Variants in RASA2 observed in about 807,000 individuals in gnomAD.
The protein encoded by RASA2 is RAS p21 protein activator 2.
In RASA2, 155 loss-of-function variants were observed where a neutral mutation model predicts 118.2. The observed-to-expected ratio is 1.31, with a 90% CI of 1.15 to 1.50. The LOEUF is 1.50. Among genes scored for constraint, RASA2 ranks in the 40% most tolerant of loss-of-function variants. RASA2 has a pLI of 0.00. For synonymous variants in RASA2, 353 were observed against 349.1 expected, an observed-to-expected ratio of 1.01 and a Z score of -0.12; for missense variants, 1,016 against 1,009.6, an observed-to-expected ratio of 1.01 and a Z score of -0.09.
Position 141,487,079 on chromosome 3 carries a change from G to C in RASA2, c.-5G>C, listed in dbSNP as rs764459706. On this transcript the variant is annotated 5_prime_UTR_variant, in exon 1 of 24. Transcript: ENST00000286364. ...GCAGGGCTGCGGCACGGGCCGGGCG[G>C]CACCATGGCGGCGGCGGCGCCTGCT... 3 of 1,341,272 alleles carry C rather than the reference G, an allele frequency of 2.2e-6. No individual in the cohort carries two copies. In the East Asian group the frequency reaches 1.0e-4, roughly 47 times the overall value. 83.1% of individuals were successfully genotyped at this position (1,341,272 alleles called of 1,614,324 possible).
chr3:141,574,894 TAG>T (rs1277147551), intron 14 of RASA2, among the ~76,000 whole-genome samples: 67 of 152,332 alleles, frequency 4.4e-4, no homozygotes, highest in African/African-American at 1.5e-3. Flanking sequence ...GTAACATACA[TAG>T]AGTTTTAAGG....
intron 4 of RASA2, among the ~76,000 whole-genome samples, chr3:141,534,374 G>T (rs78341452): frequency 0.13 from 19,661 of 151,972 alleles, 1,816 homozygotes; most frequent in East Asian, 0.24. Flanking sequence ...ATCTTTATAG[G>T]GGGGGGAAAA....
intron 14 of RASA2, 34 bp from the exon 15 acceptor site, chr3:141,576,966 T>C (rs200984539): frequency 1.5e-6 from 2 of 1,348,964 alleles, no homozygotes; most frequent in Admixed American, 2.1e-5. Context: ...TTAATTGTTT[T>C]TGTGCATGAC....
chr3:141,554,197 G>T lies in RASA2; in HGVS notation c.611+257G>T, dbSNP rs79479810. On this transcript the variant is annotated intron_variant, in intron 6 of 23. Coordinates refer to ENST00000286364, the MANE Select transcript of RASA2 (RefSeq NM_006506.5). ...AAGGAACAACTTCAGTTTTATACTA[G>T]TACAATGTAGTACTTTAAAACATAA... Among the ~76,000 whole-genome samples the T allele has an allele frequency of 0.031, 4,685 of 152,216 alleles. 239 individuals are homozygous for T. The highest frequency in any genetic ancestry group is 0.1 in the African/African-American group (4,212 of 41,530).
intron 19 of RASA2, among the ~76,000 whole-genome samples, chr3:141,593,951 G>A (rs1297003694): frequency 6.6e-6 from 1 of 152,116 alleles, no homozygotes; most frequent in Non-Finnish European, 1.5e-5. Flanking sequence ...GCATAATCTG[G>A]AGAAAAGGCG....
Position 141,487,236 on chromosome 3 carries a change from AG to A in RASA2, c.133+24del. 7.5e-7 allele frequency: 1 copy of A among 1,328,286 alleles called. No individual in the cohort carries two copies. Among genetic ancestry groups the A allele is most frequent in the Non-Finnish European group, 9.7e-7 (1 of 1,032,644 alleles). 82.3% of individuals were successfully genotyped at this position (1,328,286 alleles called of 1,614,324 possible). ...AGATCTGTAAGCGGGGGCTGGGCTG[AG>A]GGGACGCCCTGGCGGCGCTGGGCGC... On this transcript the variant is annotated intron_variant, in intron 1 of 23. Coordinates refer to ENST00000286364, the MANE Select transcript of RASA2 (RefSeq NM_006506.5).
chr3:141,586,872 C>A, intron 19 of RASA2, 120 bp downstream of exon 19: 1 of 796,476 alleles, frequency 1.3e-6, no homozygotes, highest in Non-Finnish European at 2.2e-6. Flanking sequence ...TGGTTTCTCA[C>A]ACTGATACAT....
At position 141,612,921 on chromosome 3, in the gene RASA2, AAACTC is replaced by A. The variant is rs1303781778; in HGVS notation, c.*611_*615del. 2 of 152,332 alleles carry A rather than the reference AAACTC, an allele frequency of 1.3e-5. No homozygotes were observed. Among genetic ancestry groups the A allele is most frequent in the African/African-American group, 4.8e-5 (2 of 41,480 alleles). The allele number at this position is 152,332 out of a possible 1,614,324, so 9.4% of individuals were successfully genotyped here. A position where few individuals can be genotyped will look rare whatever the true frequency, so the allele number is the denominator to read the frequency against. On this transcript the variant is annotated 3_prime_UTR_variant, in exon 24 of 24. Transcript: ENST00000286364. ...ATCCTTTTGCCTAAAGATGTAAACA[AAACTC>A]AAGACAGAAGGAATCAGGGAATATG...
Position 141,487,056 on chromosome 3 carries a change from A to C in RASA2, c.-28A>C. The C allele has an allele frequency of 1.6e-6, 2 of 1,224,770 alleles. No individual in the cohort carries two copies. Among genetic ancestry groups the C allele is most frequent in the Non-Finnish European group, 2.0e-6 (2 of 977,846 alleles). 75.9% of individuals were successfully genotyped at this position (1,224,770 alleles called of 1,614,324 possible). On this transcript the variant is annotated 5_prime_UTR_variant, in exon 1 of 24. Transcript: ENST00000286364. ...CGCCTCGCCCGGCTACGCAGGCGGC[A>C]GGGCTGCGGCACGGGCCGGGCGGCA...
chr3:141,526,433 C>T (rs1271890057), intron 3 of RASA2, among the ~76,000 whole-genome samples: 2 of 152,000 alleles, frequency 1.3e-5, no homozygotes, highest in East Asian at 1.9e-4. Flanking sequence ...ATCCTTCCAC[C>T]TTTTTTCCTC....
intron 1 of RASA2, among the ~76,000 whole-genome samples, chr3:141,506,309 G>C (rs2081865854): frequency 6.6e-6 from 1 of 152,188 alleles, no homozygotes; most frequent in Non-Finnish European, 1.5e-5. Flanking sequence ...AATCTATACT[G>C]TTTGCTGTGG....
chr3:141,568,329 CAG>C (rs2082857270), intron 9 of RASA2, among the ~76,000 whole-genome samples: 1 of 151,744 alleles, frequency 6.6e-6, no homozygotes, highest in Non-Finnish European at 1.5e-5. Context: ...CTAATAGGCT[CAG>C]AACTCATTTA....
chr3:141,509,011 A>G (rs1038849960), intron 1 of RASA2, among the ~76,000 whole-genome samples: 8 of 152,200 alleles, frequency 5.3e-5, no homozygotes, highest in Non-Finnish European at 1.5e-5. Context: ...AATAGGCACA[A>G]TATTACTTTT....
At chr3:141,520,888 G>A (rs2082102555) in intron 3 of RASA2, among the ~76,000 whole-genome samples, 1 of 152,088 alleles carries the variant, frequency 6.6e-6, no homozygotes, top group Admixed American at 6.6e-5. Context: ...CAGTTGCAGT[G>A]GAAATACAGA....
chr3:141,611,257 C>T (rs537050440), intron 23 of RASA2, among the ~76,000 whole-genome samples: 2 of 152,310 alleles, frequency 1.3e-5, no homozygotes, highest in East Asian at 3.9e-4. Context: ...GATTTCTCTC[C>T]TCCTCAAGCT....
At chr3:141,509,120 AT>A (rs2081912177) in intron 1 of RASA2, among the ~76,000 whole-genome samples, 1 of 152,236 alleles carries the variant, frequency 6.6e-6, no homozygotes, top group Admixed American at 6.5e-5. Flanking sequence ...GACTTAACAT[AT>A]TTGTACAATT....
chr3:141,585,010 C>T (rs2107775026), intron 17 of RASA2, among the ~76,000 whole-genome samples: 1 of 152,148 alleles, frequency 6.6e-6, no homozygotes, highest in Admixed American at 6.5e-5. Flanking sequence ...GGTTTTGGAA[C>T]ATTTGGGATT....
chr3:141,568,164 A>C (rs2082852105), intron 9 of RASA2, among the ~76,000 whole-genome samples: 2 of 152,178 alleles, frequency 1.3e-5, no homozygotes, highest in African/African-American at 4.8e-5. Context: ...CTCTTAAAGA[A>C]CTCGAGTCCA....
chr3:141,503,711 T>G (rs2151074426), intron 1 of RASA2, among the ~76,000 whole-genome samples: 1 of 152,316 alleles, frequency 6.6e-6, no homozygotes, highest in African/African-American at 2.4e-5. Flanking sequence ...GTTGTCGATC[T>G]CTCCATGTGT....
Sources: allele counts gnomAD v4.1 joint callset (sites outside exome capture counted in the v4.1 genomes callset), GRCh38; gene constraint gnomAD v4.1.1; transcripts MANE v1.5; gene names NCBI Gene and HGNC (gene_info 2026-07-23, HGNC 2026-07-21).